Variants in MOB1B observed in about 807,000 individuals in gnomAD.
MOB1B encodes MOB1 Mps One Binder homolog B.
Under a neutral mutation model 24.4 loss-of-function variants are expected in MOB1B, and 19 were observed. That is an observed-to-expected ratio of 0.78 (90% CI 0.54 to 1.14). The LOEUF (loss-of-function observed/expected upper bound fraction) is 1.14. Ranked by LOEUF, MOB1B falls within the 50% of genes most tolerant of loss-of-function variation. The pLI is 0.00. For missense variants in MOB1B, 243 were observed against 259.6 expected (o/e 0.94, Z 0.44); for synonymous variants, 76 against 82.1 (o/e 0.93, Z 0.40).
At chr4:70,948,121 A>C (rs1212450378) in intron 1 of MOB1B, among the ~76,000 whole-genome samples, 1 of 152,162 alleles carries the variant, frequency 6.6e-6, no homozygotes, top group Non-Finnish European at 1.5e-5. Context: ...ATCTGTGTCT[A>C]GATTTATGTT....
intron 1 of MOB1B, among the ~76,000 whole-genome samples, chr4:70,919,560 G>A (rs552102114): frequency 3.1e-3 from 471 of 152,132 alleles, no homozygotes; most frequent in Non-Finnish European, 5.0e-3. Context: ...GTGCAGTGGC[G>A]CTATCTCGGC....
chr4:70,964,808 G>A (rs1164996664), intron 2 of MOB1B, among the ~76,000 whole-genome samples: 1 of 151,536 alleles, frequency 6.6e-6, no homozygotes, highest in Non-Finnish European at 1.5e-5. Context: ...GGGCATGCCT[G>A]TATCCCAGCT....
chr4:70,976,271 A>G (rs777011686), intron 4 of MOB1B: 7 of 984,174 alleles, frequency 7.1e-6, no homozygotes, highest in Non-Finnish European at 8.4e-6. Context: ...ATTGCTAATA[A>G]CATCTGCCAC....
rs953731904 is a variant in MOB1B, at chr4:70,936,148, G to A, written c.15-22726G>A. On this transcript the variant is annotated intron_variant, in intron 1 of 5. Coordinates refer to ENST00000309395, the MANE Select transcript of MOB1B (RefSeq NM_173468.4). ...TTACAGGTGTGAGCCACCGCGCCCG[G>A]CCGGTACACTAATTTTTGTATTTTT... Among the ~76,000 whole-genome samples, 12 of 151,958 alleles carry A rather than the reference G, an allele frequency of 7.9e-5. No homozygotes were observed. The East Asian group carries it at 2.3e-3, about 30-fold the overall frequency.
rs1198720546 is a variant in MOB1B at position 70,982,975 on chromosome 4, T to G, written c.*918T>G. ...GTATATTTGGCTGGGGGCATGGAGA[T>G]GTTCGTATGTATGAGGAGTTAGGGA... On this transcript the variant is annotated 3_prime_UTR_variant, in exon 6 of 6. Transcript: ENST00000309395. 6.6e-6 allele frequency: 1 copy of G among 152,444 alleles called. No individual in the cohort carries two copies. Among genetic ancestry groups the G allele is most frequent in the Non-Finnish European group, 1.5e-5 (1 of 67,990 alleles). The allele number at this position is 152,444 out of a possible 1,614,324, so 9.4% of individuals were successfully genotyped here. A position where few individuals can be genotyped will look rare whatever the true frequency, so the allele number is the denominator to read the frequency against.
At chr4:70,941,023 G>A (rs1366088598) in intron 1 of MOB1B, among the ~76,000 whole-genome samples, 1 of 152,140 alleles carries the variant, frequency 6.6e-6, no homozygotes, top group African/African-American at 2.4e-5. Context: ...TTGAATTTAG[G>A]ATTTGATTAA....
At chr4:70,911,369 A>G (rs1343568580) in intron 1 of MOB1B, among the ~76,000 whole-genome samples, 3 of 151,592 alleles carry the variant, frequency 2.0e-5, no homozygotes, top group African/African-American at 4.8e-5. Context: ...AGAATTTAAT[A>G]TAACATTAAA....
At position 70,986,521 on chromosome 4, in the gene MOB1B, T is replaced by G. The variant is rs1343545967; in HGVS notation, c.*4464T>G. 1 of 152,092 alleles carries G rather than the reference T, an allele frequency of 6.6e-6. No homozygotes were observed. The allele number at this position is 152,092 out of a possible 1,614,324, so 9.4% of individuals were successfully genotyped here. The stretch of plus-strand genomic sequence containing the variant: ...TGCATACCAATAAGAAAACTTACCT[T>G]ATTTTGAAATTTATCTGGGATATTA... On this transcript the variant is annotated 3_prime_UTR_variant, in exon 6 of 6. Transcript: ENST00000309395.
chr4:70,978,775 A>G (rs1242414612), intron 4 of MOB1B, among the ~76,000 whole-genome samples: 1 of 152,204 alleles, frequency 6.6e-6, no homozygotes, highest in African/African-American at 2.4e-5. Flanking sequence ...ATTTCTGTTC[A>G]GCACATATTT....
At chr4:70,963,836 A>T (rs1488654767) in intron 2 of MOB1B, among the ~76,000 whole-genome samples, 2 of 151,982 alleles carry the variant, frequency 1.3e-5, no homozygotes, top group East Asian at 1.9e-4. Flanking sequence ...AGAAAAAAAC[A>T]AAACAAAAAA....
intron 1 of MOB1B, among the ~76,000 whole-genome samples, chr4:70,951,379 ATTGGAAGAC>A (rs1309839807): frequency 7.9e-5 from 12 of 152,240 alleles, no homozygotes; most frequent in African/African-American, 2.7e-4. Flanking sequence ...GATAAATCAA[ATTGGAAGAC>A]TAAGAGATAT....
chr4:70,948,201 C>T (rs896045245), intron 1 of MOB1B, among the ~76,000 whole-genome samples: 95 of 152,278 alleles, frequency 6.2e-4, no homozygotes, highest in African/African-American at 2.2e-3. Context: ...CATCCTTTCC[C>T]CATTGAATTG....
intron 1 of MOB1B, 55 bp downstream of exon 1, chr4:70,902,605 G>A: frequency 2.7e-6 from 3 of 1,093,976 alleles, no homozygotes; most frequent in Non-Finnish European, 3.7e-6. Flanking sequence ...CTGGGCCCCC[G>A]CCCGCCGCCC....
chr4:70,931,831 A>C (rs1330640567), intron 1 of MOB1B, among the ~76,000 whole-genome samples: 2 of 152,188 alleles, frequency 1.3e-5, no homozygotes, highest in Non-Finnish European at 2.9e-5. Flanking sequence ...CGTGGGCTCA[A>C]GCAATCCTCC....
At chr4:70,908,026 T>G (rs139711445) in intron 1 of MOB1B, among the ~76,000 whole-genome samples, 47 of 150,936 alleles carry the variant, frequency 3.1e-4, no homozygotes, top group East Asian at 7.8e-4. Flanking sequence ...TTCTTCGTTC[T>G]TTCTTTTTTT....
intron 1 of MOB1B, among the ~76,000 whole-genome samples, chr4:70,948,485 C>T (rs1321328973): frequency 2.0e-5 from 3 of 152,184 alleles, no homozygotes; most frequent in Non-Finnish European, 2.9e-5. Context: ...CTCGACTTGA[C>T]ACCACTTGCT....
intron 1 of MOB1B, among the ~76,000 whole-genome samples, chr4:70,940,896 C>T (rs1201579680): frequency 1.3e-5 from 2 of 152,048 alleles, no homozygotes; most frequent in African/African-American, 4.8e-5. Context: ...TGGTATCGAA[C>T]TCCTGACCTC....
At chr4:70,903,468 G>C (rs1170943922) in intron 1 of MOB1B, among the ~76,000 whole-genome samples, 5 of 152,164 alleles carry the variant, frequency 3.3e-5, no homozygotes, top group African/African-American at 1.2e-4. Flanking sequence ...CAGGTCCTCT[G>C]AAAACAGGGG....
At chr4:70,932,770 T>C (rs965485359) in intron 1 of MOB1B, among the ~76,000 whole-genome samples, 1 of 152,194 alleles carries the variant, frequency 6.6e-6, no homozygotes, top group Non-Finnish European at 1.5e-5. Flanking sequence ...ATCACATTGA[T>C]TGAATGTAGC....
Sources: gnomAD v4.1 joint callset for allele counts (sites outside exome capture counted in the v4.1 genomes callset) on GRCh38, gnomAD v4.1.1 for gene constraint, MANE v1.5 for transcripts, NCBI Gene and HGNC (gene_info 2026-07-23, HGNC 2026-07-21) for gene names.